Variants in TTLL11 observed in about 807,000 individuals in gnomAD.
The protein encoded by TTLL11 is tubulin polyglutamylase TTLL11.
TTLL11 carries 42 observed loss-of-function variants against 51.7 expected under a neutral mutation model. The observed-to-expected ratio is 0.81, with a 90% CI of 0.64 to 1.05. The LOEUF (loss-of-function observed/expected upper bound fraction) is 1.05. TTLL11 is among the 50% of genes least tolerant of loss of function. The pLI is 0.00. For missense variants in TTLL11, 799 were observed against 940.4 expected (o/e 0.85, Z 1.97); for synonymous variants, 381 against 383.5 (o/e 0.99, Z 0.08).
intron 6 of TTLL11, among the ~76,000 whole-genome samples, chr9:121,938,247 C>T (rs1443123890): frequency 6.7e-6 from 1 of 149,748 alleles, no homozygotes; most frequent in Non-Finnish European, 1.5e-5. Context: ...CAAGATTGCA[C>T]CACCACACTC....
At chr9:122,091,847 C>T (rs748137323) in intron 1 of TTLL11, among the ~76,000 whole-genome samples, 6 of 152,218 alleles carry the variant, frequency 3.9e-5, no homozygotes, top group Admixed American at 1.3e-4. Context: ...GTCACTGGTG[C>T]TACATTCCAT....
chr9:121,970,961 A>G (rs936277238), intron 6 of TTLL11, among the ~76,000 whole-genome samples: 25 of 152,176 alleles, frequency 1.6e-4, no homozygotes, highest in African/African-American at 5.8e-4. Context: ...AATGCCCATC[A>G]ATGATAGACT....
intron 6 of TTLL11, among the ~76,000 whole-genome samples, chr9:121,893,196 T>C (rs970480387): frequency 6.6e-6 from 1 of 151,944 alleles, no homozygotes; most frequent in Non-Finnish European, 1.5e-5. Flanking sequence ...TATGTTCATG[T>C]AAAAAAAATA....
chr9:121,823,406 C>T (rs1363910460), intron 8 of TTLL11, among the ~76,000 whole-genome samples: 4 of 152,068 alleles, frequency 2.6e-5, no homozygotes, highest in East Asian at 1.9e-4. Context: ...ATTAACTGGG[C>T]GTGGTGGCAT....
Position 122,092,950 on chromosome 9 carries a change from G to T in TTLL11, c.199C>A (p.Pro67Thr). Residue 67 changes from proline to threonine, a missense_variant, in exon 1 of 9, where the codon CCG becomes ACG. Coordinates refer to ENST00000321582, the MANE Select transcript of TTLL11 (RefSeq NM_001139442.2). ...EEQPKVLAPA[P>T]AQPSAAEEGN... ...TCCTCAGCCGCACTGGGCTGCGCCG[G>T]GGCCGGGGCCAGGACCTTGGGCTGC... 6.3e-7 allele frequency: 1 copy of T among 1,578,874 alleles called. No homozygotes were observed. Among genetic ancestry groups the T allele is most frequent in the Middle Eastern group, 1.9e-4 (1 of 5,160 alleles).
chr9:121,951,496 T>A (rs2900199), intron 6 of TTLL11, among the ~76,000 whole-genome samples: 2 of 152,094 alleles, frequency 1.3e-5, no homozygotes, highest in Non-Finnish European at 2.9e-5. Flanking sequence ...GGGACACTTA[T>A]GTATTTGTCT....
intron 3 of TTLL11, among the ~76,000 whole-genome samples, chr9:122,016,961 C>G (rs1260450130): frequency 6.6e-6 from 1 of 152,212 alleles, no homozygotes; most frequent in East Asian, 1.9e-4. Context: ...AAAATTTTCA[C>G]TGAGAATCCC....
rs549535329 is a variant in TTLL11 at position 122,055,437 on chromosome 9, C to A, written c.463-16069G>T. Among the ~76,000 whole-genome samples the A allele has an allele frequency of 9.9e-5, 15 of 152,284 alleles. No homozygotes were observed. In the South Asian group the frequency reaches 2.9e-3, roughly 29 times the overall value. On this transcript the variant is annotated intron_variant, in intron 1 of 8. Transcript: ENST00000321582. ...CTAAGCCATTCCAGGATTTTCACAT[C>A]TTTCTGCCTGCTTTATATTCTAGAT... is the stretch of plus-strand genomic sequence containing the variant.
intron 6 of TTLL11, among the ~76,000 whole-genome samples, chr9:121,916,958 A>T (rs1840347110): frequency 6.6e-6 from 1 of 152,116 alleles, no homozygotes; most frequent in African/African-American, 2.4e-5. Flanking sequence ...CCCATTTCCT[A>T]ACATATTACA....
chr9:121,967,210 A>ATTTT (rs150372226), intron 6 of TTLL11, among the ~76,000 whole-genome samples: 9 of 63,022 alleles, frequency 1.4e-4, no homozygotes, highest in Admixed American at 7.6e-4. Flanking sequence ...TCAGCGGGAG[A>ATTTT]TTTTTTTTTT....
chr9:121,943,658 G>A (rs927817305), intron 6 of TTLL11, among the ~76,000 whole-genome samples: 15 of 152,178 alleles, frequency 9.9e-5, no homozygotes, highest in Non-Finnish European at 7.3e-5. Flanking sequence ...TTAAACATCT[G>A]TCTCTCCACT....
intron 8 of TTLL11, among the ~76,000 whole-genome samples, chr9:121,854,764 A>T (rs1352293889): frequency 6.6e-6 from 1 of 151,506 alleles, no homozygotes; most frequent in African/African-American, 2.4e-5. Flanking sequence ...TGCAATTTAC[A>T]TGAAATAAAT....
chr9:122,076,556 C>T (rs117630106), intron 1 of TTLL11, among the ~76,000 whole-genome samples: 2 of 152,206 alleles, frequency 1.3e-5, no homozygotes, highest in East Asian at 3.9e-4. Flanking sequence ...TCATCCTACA[C>T]CTATAACCAA....
chr9:121,967,368 G>A (rs1842432165), intron 6 of TTLL11, among the ~76,000 whole-genome samples: 1 of 151,748 alleles, frequency 6.6e-6, no homozygotes, highest in African/African-American at 2.4e-5. Flanking sequence ...GGGATTACAG[G>A]TGCCCACCAC....
chr9:122,002,865 G>C (rs1389883329), intron 3 of TTLL11, among the ~76,000 whole-genome samples: 2 of 148,566 alleles, frequency 1.3e-5, no homozygotes. Flanking sequence ...AGAATCTCTT[G>C]AACCTGGGAG....
At chr9:121,987,314 C>G (rs965638546) in intron 4 of TTLL11, among the ~76,000 whole-genome samples, 2 of 152,188 alleles carry the variant, frequency 1.3e-5, no homozygotes, top group African/African-American at 4.8e-5. Flanking sequence ...TCATATATAT[C>G]AAATGCTACA....
chr9:121,885,189 T>A (rs769011545), intron 6 of TTLL11: 1 of 152,188 alleles, frequency 6.6e-6, no homozygotes, highest in African/African-American at 2.4e-5. Flanking sequence ...CGTTCCAGGA[T>A]GAAGATAATA....
At chr9:121,943,156 G>A (rs1057273751) in intron 6 of TTLL11, among the ~76,000 whole-genome samples, 4 of 152,226 alleles carry the variant, frequency 2.6e-5, no homozygotes, top group African/African-American at 9.6e-5. Context: ...AGTTACTTAA[G>A]TAGTGAGTGA....
intron 4 of TTLL11, among the ~76,000 whole-genome samples, chr9:121,986,203 C>T (rs1327183136): frequency 6.6e-6 from 1 of 152,200 alleles, no homozygotes; most frequent in Non-Finnish European, 1.5e-5. Context: ...GCCCCCTCCA[C>T]CAGCTCCCCA....
Sources: allele counts gnomAD v4.1 joint callset (sites outside exome capture counted in the v4.1 genomes callset), GRCh38; gene constraint gnomAD v4.1.1; transcripts MANE v1.5; gene names NCBI Gene and HGNC (gene_info 2026-07-23, HGNC 2026-07-21).